The following MUC5AC variants were observed in gnomAD, a reference collection of about 807,000 sequenced individuals.
The protein encoded by MUC5AC is mucin-5AC.
A neutral mutation model predicts 169.7 loss-of-function variants in MUC5AC; 158 were observed. The ratio of observed to expected loss-of-function variants is 0.93; its 90% CI spans 0.82 to 1.06. The LOEUF (loss-of-function observed/expected upper bound fraction) is 1.06. MUC5AC is among the 50% of genes least tolerant of loss of function. MUC5AC has a pLI of 0.00. For missense variants in MUC5AC, 4,359 were observed against 3,089.9 expected (o/e 1.41, Z -9.74); for synonymous variants, 1,975 against 1,237.0 (o/e 1.60, Z -12.52).
At chr11:1,163,693 C>T (rs745715515) in intron 6 of MUC5AC, among the ~76,000 whole-genome samples, 189 bp from the exon 7 acceptor site, 2 of 152,134 alleles carry the variant, frequency 1.3e-5, no homozygotes, top group African/African-American at 2.4e-5. Flanking sequence ...CCCTGAGGGT[C>T]CCAGCAGCAT....
rs1861416881 is a variant in MUC5AC at position 1,201,045 on chromosome 11, G to A, written c.*343G>A. On this transcript the variant is annotated 3_prime_UTR_variant, in exon 49 of 49. Transcript: ENST00000621226. ...GATCAGCTGCCTGGTGGCTGCAGGA[G>A]GAAGAACCTCACTCCTACCTCAGCC... 1 of 242,598 alleles carries A rather than the reference G, an allele frequency of 4.1e-6. No individual in the cohort carries two copies. 15.0% of individuals were successfully genotyped at this position (242,598 alleles called of 1,614,324 possible).
chr11:1,164,420 C>G lies in MUC5AC; in HGVS notation c.1017C>G (p.Pro339=). The G allele has an allele frequency of 1.2e-6, 2 of 1,612,354 alleles. No individual in the cohort carries two copies. The highest frequency in any genetic ancestry group is 2.2e-5 in the South Asian group (2 of 91,026). Residue 339 remains proline (P), a synonymous_variant, in exon 9 of 49, where the codon CCC becomes CCG. Transcript: ENST00000621226. ...RGPDFCPQKC[P]NNMQYHECRS... The stretch of plus-strand genomic sequence containing the variant: ...TGCCTCCCGCAGCCCAGAAGTGCCC[C>G]AACAACATGCAGTACCACGAGTGCC...
chr11:1,192,673 T>A, intron 31 of MUC5AC, 110 bp from the exon 32 acceptor site: 1 of 685,892 alleles, frequency 1.5e-6, no homozygotes, highest in Non-Finnish European at 2.6e-6. Flanking sequence ...TTCTCTGAAA[T>A]TTTTTCCCAT....
In MUC5AC at chr11:1,178,549, TG is replaced by T; in HGVS notation, c.3195del (p.Trp1065Ter). Reference protein sequence around the residue: ...VGDVLEFGNSWKLSPSCPDAL... With the variant: ...VGDVLEFGNSXKLSPSCPDAL... ...GGACGTGCTGGAGTTTGGGAACAGC[TG>T]GAAGCTCTCCCCCTCCTGCCCAGAT... is the stretch of plus-strand genomic sequence containing the variant. On this transcript the variant is annotated frameshift_variant, in exon 25 of 49. Coordinates refer to ENST00000621226, the MANE Select transcript of MUC5AC (RefSeq NM_001304359.2). LOFTEE classifies it high-confidence loss of function. 7.3e-7 allele frequency: 1 copy of T among 1,371,790 alleles called. No homozygotes were observed. The allele number at this position is 1,371,790 out of a possible 1,614,324, so 85.0% of individuals were successfully genotyped here. A position where few individuals can be genotyped will look rare whatever the true frequency, so the allele number is the denominator to read the frequency against.
At chr11:1,196,142 T>C (rs1407925917) in intron 37 of MUC5AC, 88 bp downstream of exon 37, 25 of 642,674 alleles carry the variant, frequency 3.9e-5, no homozygotes, top group Non-Finnish European at 5.3e-5. Context: ...GCTCGGGCAG[T>C]CAGGGGGGGA....
chr11:1,187,182 C>G lies in MUC5AC; in HGVS notation c.9037C>G (p.Pro3013Ala). The G allele has an allele frequency of 1.7e-6, 1 of 603,130 alleles. No individual in the cohort carries two copies. The highest frequency in any genetic ancestry group is 3.0e-6 in the Non-Finnish European group (1 of 331,382). 37.4% of individuals were successfully genotyped at this position (603,130 alleles called of 1,614,324 possible). The part of the protein sequence containing the change: ...STISAPTTST[P>A]SAPTTSTTLA... ...AATCTCGGCCCCAACAACCAGCACA[C>G]CCTCTGCCCCTACAACCAGCACAAC... Residue 3013 changes from proline (P) to alanine (A), a missense_variant, in exon 31 of 49, where the codon CCC becomes GCC. Pro to Ala is a conservative substitution (Grantham distance 27). Transcript: ENST00000621226.
Position 1,188,540 on chromosome 11 carries a change from T to C in MUC5AC, c.10395T>C (p.Thr3465=). The change falls in exon 31 of 49, where the codon ACT becomes ACC. Residue 3465 remains threonine (T), a synonymous_variant. Coordinates refer to ENST00000621226, the MANE Select transcript of MUC5AC (RefSeq NM_001304359.2). Reference sequence around the variant, plus strand: ...CCCCTACAAGCAGCACAACCTCCACTCCACAGACCAGCAAAACCTCAGCTG... The same window carrying C: ...CCCCTACAAGCAGCACAACCTCCACCCCACAGACCAGCAAAACCTCAGCTG... The part of the protein sequence containing the change: ...TSAPTSSTTS[T]PQTSKTSAAT... 2 of 748,288 alleles carry C rather than the reference T, an allele frequency of 2.7e-6. No homozygotes were observed. Among genetic ancestry groups the C allele is most frequent in the Admixed American group, 1.8e-5 (1 of 56,614 alleles). 46.4% of individuals were successfully genotyped at this position (748,288 alleles called of 1,614,324 possible). A position where few individuals can be genotyped will look rare whatever the true frequency, so the allele number is the denominator to read the frequency against.
In MUC5AC at chr11:1,189,104, A is replaced by G. The variant is rs1302678859; in HGVS notation, c.10959A>G (p.Lys3653=). 96 of 604,918 alleles carry G rather than the reference A, an allele frequency of 1.6e-4. 1 individual carries two copies. Among genetic ancestry groups the G allele is most frequent in the South Asian group, 1.0e-3 (50 of 49,754 alleles). 37.5% of individuals were successfully genotyped at this position (604,918 alleles called of 1,614,324 possible). ...SPTQSTSSWQ[K]SRTTTLVTSS... is the part of the protein sequence containing the mutation. Reference sequence around the variant, plus strand: ...CTCAGAGCACCTCCTCTTGGCAGAAATCCAGGACAACCACTTTGGTGACAA... The same window carrying G: ...CTCAGAGCACCTCCTCTTGGCAGAAGTCCAGGACAACCACTTTGGTGACAA... Residue 3653 remains lysine (K), a synonymous_variant, in exon 31 of 49, where the codon AAA becomes AAG. Transcript: ENST00000621226.
chr11:1,166,370 C>T (rs1240599480), intron 11 of MUC5AC, among the ~76,000 whole-genome samples: 1 of 146,684 alleles, frequency 6.8e-6, no homozygotes. Context: ...ACCCTGCACC[C>T]GACACACAGT....
rs1055054073 is a variant in MUC5AC at position 1,175,208 on chromosome 11, C to T, written c.2349-10C>T. On this transcript the variant is annotated splice_polypyrimidine_tract_variant and intron_variant, in intron 18 of 48. Coordinates refer to ENST00000621226, the MANE Select transcript of MUC5AC (RefSeq NM_001304359.2). Reference sequence around the variant, plus strand: ...CCCAGGCTGAGGCTCTGACCACCATCTCCTCACAGCACCTGCACACATGGG... The same window carrying T: ...CCCAGGCTGAGGCTCTGACCACCATTTCCTCACAGCACCTGCACACATGGG... 2.0e-5 allele frequency: 8 copies of T among 398,778 alleles called. No homozygotes were observed. The highest frequency in any genetic ancestry group is 1.4e-4 in the East Asian group (4 of 28,080). 24.7% of individuals were successfully genotyped at this position (398,778 alleles called of 1,614,324 possible). A position where few individuals can be genotyped will look rare whatever the true frequency, so the allele number is the denominator to read the frequency against.
At chr11:1,171,074 ACCC>A in intron 15 of MUC5AC, among the ~76,000 whole-genome samples, 1 of 96,630 alleles carries the variant, frequency 1.0e-5, no homozygotes, top group South Asian at 2.7e-4. Flanking sequence ...TCACCGACTC[ACCC>A]ATTCACACAC....
intron 15 of MUC5AC, among the ~76,000 whole-genome samples, chr11:1,170,955 TCACTCACC>T (rs1860498158): frequency 1.3e-4 from 2 of 15,614 alleles, no homozygotes; most frequent in Admixed American, 7.8e-4. Context: ...ACTCACCTAC[TCACTCACC>T]CACTCACCCA....
chr11:1,191,491 C>A lies in MUC5AC; in HGVS notation c.13346C>A (p.Thr4449Lys), dbSNP rs1346827748. 3 of 646,390 alleles carry A rather than the reference C, an allele frequency of 4.6e-6. No individual in the cohort carries two copies. The highest frequency in any genetic ancestry group is 8.5e-6 in the Non-Finnish European group (3 of 353,042). 40.0% of individuals were successfully genotyped at this position (646,390 alleles called of 1,614,324 possible). The change falls in exon 31 of 49, where the codon ACA becomes AAA. Residue 4449 changes from threonine (T) to lysine (K), a missense_variant. Thr to Lys is a moderately conservative substitution (Grantham distance 78). Transcript: ENST00000621226. ...CCCAGCCCTGTTCCCACCACAAGCA[C>A]AACCTCTGCTTCTACAACCAGCACA... ...TTPSPVPTTS[T>K]TSASTTSTIS...
At position 1,193,631 on chromosome 11, in the gene MUC5AC, T is replaced by G. The variant is rs1456681999; in HGVS notation, c.14727T>G (p.Asp4909Glu). The G allele has an allele frequency of 2.6e-6, 2 of 764,964 alleles. No homozygotes were observed. Among genetic ancestry groups the G allele is most frequent in the Admixed American group, 3.4e-5 (2 of 59,036 alleles). 47.4% of individuals were successfully genotyped at this position (764,964 alleles called of 1,614,324 possible). The change falls in exon 33 of 49, where the codon GAT (aspartate) becomes GAG (glutamate). Residue 4909 changes from aspartate to glutamate, a missense_variant. Physicochemically the swap from Asp to Glu is conservative, Grantham distance 45. Transcript: ENST00000621226. ...GYPAVKVADQDGCCHHYQCQC... is the reference protein window; with the variant it reads ...GYPAVKVADQEGCCHHYQCQC... ...CGGCTGTGAAGGTGGCTGACCAAGA[T>G]GGCTGCTGCCATCACTACCAGTGCC...
rs1590131854 is a variant in MUC5AC, at chr11:1,160,707, G to T, written c.151+18G>T. The T allele has an allele frequency of 6.2e-7, 1 of 1,602,114 alleles. No homozygotes were observed. The highest frequency in any genetic ancestry group is 2.2e-5 in the East Asian group (1 of 44,480). ...GCCCAGCGGTGAGTCTGAGTGTCCG[G>T]CCCCCACCCTAAGCCTGTCAGATTC... On this transcript the variant is annotated intron_variant, in intron 2 of 48. Coordinates refer to ENST00000621226, the MANE Select transcript of MUC5AC (RefSeq NM_001304359.2).
At position 1,160,705 on chromosome 11, in the gene MUC5AC, CG is replaced by C. The variant is rs1860117149; in HGVS notation, c.151+18del. On this transcript the variant is annotated intron_variant, in intron 2 of 48. Transcript: ENST00000621226. Reference sequence around the variant, plus strand: ...GGGCCCAGCGGTGAGTCTGAGTGTCCGGCCCCCACCCTAAGCCTGTCAGATT... The same window carrying C: ...GGGCCCAGCGGTGAGTCTGAGTGTCCGCCCCCACCCTAAGCCTGTCAGATT... 1 of 1,602,534 alleles carries C rather than the reference CG, an allele frequency of 6.2e-7. No homozygotes were observed. Among genetic ancestry groups the C allele is most frequent in the Admixed American group, 1.7e-5 (1 of 59,500 alleles).
At position 1,187,796 on chromosome 11, in the gene MUC5AC, A is replaced by G; in HGVS notation, c.9651A>G (p.Pro3217=). The G allele has an allele frequency of 2.6e-6, 2 of 765,118 alleles. No individual in the cohort carries two copies. The highest frequency in any genetic ancestry group is 4.8e-6 in the Non-Finnish European group (2 of 417,856). The allele number at this position is 765,118 out of a possible 1,614,324, so 47.4% of individuals were successfully genotyped here. Reference sequence around the variant, plus strand: ...TATCCAAGACAACCCACTCCCAACCAGTCACCAGAGACTGTCATCTCCGGT... The same window carrying G: ...TATCCAAGACAACCCACTCCCAACCGGTCACCAGAGACTGTCATCTCCGGT... ...VSISKTTHSQ[P]VTRDCHLRCT... The change falls in exon 31 of 49, where the codon CCA becomes CCG. Residue 3217 remains proline, a synonymous_variant. Transcript: ENST00000621226.
rs982133165 is a variant in MUC5AC, at chr11:1,192,540, C to T, written c.14380+15C>T. 1 of 762,778 alleles carries T rather than the reference C, an allele frequency of 1.3e-6. No individual in the cohort carries two copies. The highest frequency in any genetic ancestry group is 2.4e-6 in the Non-Finnish European group (1 of 416,036). 47.3% of individuals were successfully genotyped at this position (762,778 alleles called of 1,614,324 possible). A position where few individuals can be genotyped will look rare whatever the true frequency, so the allele number is the denominator to read the frequency against. ...CTACCCTGCAGGTTCGTGAGTGTTT[C>T]TGGTGCAATTGTTTCTGAGCTCACC... On this transcript the variant is annotated intron_variant, in intron 31 of 48. Coordinates refer to ENST00000621226, the MANE Select transcript of MUC5AC (RefSeq NM_001304359.2).
intron 1 of MUC5AC, among the ~76,000 whole-genome samples, 169 bp downstream of exon 1, chr11:1,158,241 T>G (rs570719195): frequency 6.6e-6 from 1 of 152,220 alleles, no homozygotes; most frequent in South Asian, 2.1e-4. Context: ...CAGTTTCCCC[T>G]TGTGGGGTTG....
Sources: gnomAD v4.1 joint callset for allele counts (sites outside exome capture counted in the v4.1 genomes callset) on GRCh38, gnomAD v4.1.1 for gene constraint, MANE v1.5 for transcripts, NCBI Gene and HGNC (gene_info 2026-07-23, HGNC 2026-07-21) for gene names.